The following SATL1 variants were observed in gnomAD, a reference collection of about 807,000 sequenced individuals.
SATL1 encodes the protein spermidine/spermine N1-acetyl transferase like 1, also known as spermidine/spermine N(1)-acetyltransferase-like protein 1.
SATL1 carries 47 observed loss-of-function variants against 51.8 expected under a neutral mutation model. That is an observed-to-expected ratio of 0.91 (90% CI 0.72 to 1.16). The LOEUF (loss-of-function observed/expected upper bound fraction) is 1.16, where lower values mean the gene tolerates loss of function less well. SATL1 is among the 50% of genes most tolerant of loss of function. SATL1 has a pLI of 0.00. For missense variants in SATL1, 520 were observed against 526.4 expected, an observed-to-expected ratio of 0.99 and a Z score of 0.12; for synonymous variants, 176 against 182.4, an observed-to-expected ratio of 0.97 and a Z score of 0.28.
chrX:85,194,041 G>T (rs769865318), intron 2 of SATL1, among the ~76,000 whole-genome samples: 19 of 111,803 alleles, frequency 1.7e-4, no homozygotes, highest in Non-Finnish European at 3.4e-4. Flanking sequence ...ACCCAGAAAT[G>T]GGACTGGTAG....
intron 4 of SATL1, among the ~76,000 whole-genome samples, chrX:85,096,290 C>G (rs1251338267): frequency 4.5e-5 from 5 of 110,454 alleles, no homozygotes; most frequent in Non-Finnish European, 7.6e-5. Context: ...TGGAGGGGTT[C>G]AAAGGCACAT....
At chrX:85,139,430 C>G (rs1926053882) in intron 2 of SATL1, among the ~76,000 whole-genome samples, 1 of 111,519 alleles carries the variant, frequency 9.0e-6, no homozygotes, top group East Asian at 2.8e-4. Context: ...CTCTGTTATT[C>G]TCATTTTACA....
At chrX:85,099,986 A>G (rs1569463975) in intron 4 of SATL1, among the ~76,000 whole-genome samples, 1 of 112,577 alleles carries the variant, frequency 8.9e-6, no homozygotes, top group Non-Finnish European at 1.9e-5. Flanking sequence ...CAGGTGGATC[A>G]CCTGACGTCA....
At chrX:85,180,416 A>C (rs1488223237) in intron 2 of SATL1, among the ~76,000 whole-genome samples, 2 of 111,227 alleles carry the variant, frequency 1.8e-5, no homozygotes, top group African/African-American at 3.3e-5. Flanking sequence ...GTTATATGGT[A>C]TAGCCTATTG....
chrX:85,144,165 T>C (rs772504970), intron 2 of SATL1, among the ~76,000 whole-genome samples: 1 of 111,823 alleles, frequency 8.9e-6, no homozygotes, highest in African/African-American at 3.3e-5. Context: ...GAATGTTCAG[T>C]GGAGCATTTT....
chrX:85,183,349 C>T (rs751777227), intron 2 of SATL1, among the ~76,000 whole-genome samples: 11 of 109,498 alleles, frequency 1.0e-4, no homozygotes, highest in Middle Eastern at 4.6e-3. Context: ...CCCCAATGTT[C>T]TCGGTGCCTT....
intron 1 of SATL1, among the ~76,000 whole-genome samples, chrX:85,234,802 G>A (rs929708241): frequency 1.8e-5 from 2 of 110,986 alleles, no homozygotes; most frequent in Non-Finnish European, 3.8e-5. Flanking sequence ...AGAAGGACGA[G>A]AAGACCACAA....
At chrX:85,147,190 T>C (rs1277614644) in intron 2 of SATL1, among the ~76,000 whole-genome samples, 1 of 114,536 alleles carries the variant, frequency 8.7e-6, no homozygotes, top group African/African-American at 3.2e-5. Flanking sequence ...GCTCAGAGGG[T>C]CCTACGCCCA....
At chrX:85,093,623 C>T (rs140139569) in intron 6 of SATL1, among the ~76,000 whole-genome samples, 2 of 112,467 alleles carry the variant, frequency 1.8e-5, no homozygotes, top group African/African-American at 6.5e-5. Context: ...AATCCCAGCA[C>T]TTTGGGAGGC....
intron 2 of SATL1, among the ~76,000 whole-genome samples, chrX:85,202,326 A>G (rs943353960): frequency 3.6e-5 from 4 of 111,266 alleles, no homozygotes; most frequent in Admixed American, 9.5e-5. Flanking sequence ...CCATTTGCCA[A>G]TTTTTGCTTT....
intron 4 of SATL1, among the ~76,000 whole-genome samples, chrX:85,102,810 T>A (rs1426430940): frequency 1.8e-5 from 2 of 111,414 alleles, no homozygotes; most frequent in African/African-American, 6.5e-5. Flanking sequence ...TTTTGATTTT[T>A]AAAATATGTC....
chrX:85,188,690 G>T (rs1927368645), intron 2 of SATL1, among the ~76,000 whole-genome samples: 2 of 111,443 alleles, frequency 1.8e-5, no homozygotes, highest in South Asian at 7.6e-4. Flanking sequence ...TTTGAAAAAA[G>T]AGATCTAAAA....
At chrX:85,176,248 C>T (rs754989394) in intron 2 of SATL1, among the ~76,000 whole-genome samples, 4 of 111,546 alleles carry the variant, frequency 3.6e-5, no homozygotes, top group East Asian at 5.7e-4. Context: ...GATATGAAAG[C>T]GTGATAATAT....
At chrX:85,218,106 G>T (rs1401260837) in intron 2 of SATL1, among the ~76,000 whole-genome samples, 1 of 108,599 alleles carries the variant, frequency 9.2e-6, no homozygotes, top group Non-Finnish European at 1.9e-5. Context: ...AGACACTGGG[G>T]ATCACTTTAG....
intron 2 of SATL1, among the ~76,000 whole-genome samples, chrX:85,176,218 T>C (rs1457326919): frequency 3.6e-5 from 4 of 111,982 alleles, no homozygotes; most frequent in African/African-American, 1.3e-4. Flanking sequence ...GGTACCATTT[T>C]TGTCTACCAT....
At chrX:85,100,893 C>T (rs1192848680) in intron 4 of SATL1, among the ~76,000 whole-genome samples, 1 of 111,848 alleles carries the variant, frequency 8.9e-6, no homozygotes, top group South Asian at 3.7e-4. Flanking sequence ...ACCTCAGAAA[C>T]AAACCCTCAC....
chrX:85,194,421 T>C (rs1927506066), intron 2 of SATL1, among the ~76,000 whole-genome samples: 1 of 111,402 alleles, frequency 9.0e-6, no homozygotes, highest in African/African-American at 3.3e-5. Flanking sequence ...CGTGGCCTAG[T>C]AGTAATAACT....
intron 4 of SATL1, among the ~76,000 whole-genome samples, chrX:85,099,519 A>G (rs768666882): frequency 1.8e-5 from 2 of 111,764 alleles, no homozygotes; most frequent in Admixed American, 9.5e-5. Context: ...TGGAAATTGA[A>G]CTCAACAGCA....
chrX:85,185,876 C>T (rs2147742298), intron 2 of SATL1, among the ~76,000 whole-genome samples: 1 of 110,260 alleles, frequency 9.1e-6, no homozygotes, highest in African/African-American at 3.3e-5. Flanking sequence ...ACTCTTCCCT[C>T]TCCTCTCCTC....
Sources: allele counts gnomAD v4.1 joint callset (sites outside exome capture counted in the v4.1 genomes callset), GRCh38; gene constraint gnomAD v4.1.1; transcripts MANE v1.5; gene names NCBI Gene and HGNC (gene_info 2026-07-23, HGNC 2026-07-21).